Variants in PPP3CA observed in about 807,000 individuals in gnomAD.
PPP3CA encodes the protein CAM-PRP catalytic subunit.
A neutral mutation model predicts 66.5 loss-of-function variants in PPP3CA; 14 were observed. That is an observed-to-expected ratio of 0.21 (90% CI 0.14 to 0.33). The LOEUF (loss-of-function observed/expected upper bound fraction) is 0.33. Among genes scored for constraint, PPP3CA ranks in the 10% least tolerant of loss-of-function variants. The pLI, the probability that PPP3CA is intolerant of heterozygous loss-of-function variation, is 1.00. For missense variants in PPP3CA, 317 were observed against 639.5 expected (o/e 0.50, Z 5.44); for synonymous variants, 232 against 226.2 (o/e 1.03, Z -0.23).
At chr4:101,028,314 T>A (rs542644818) in intron 13 of PPP3CA, among the ~76,000 whole-genome samples, 11 of 152,330 alleles carry the variant, frequency 7.2e-5, no homozygotes, top group African/African-American at 2.6e-4. Flanking sequence ...ACTATTTTGA[T>A]ATGCAGTTCT....
chr4:101,216,130 G>T (rs912887154), intron 1 of PPP3CA, among the ~76,000 whole-genome samples: 2 of 151,950 alleles, frequency 1.3e-5, no homozygotes, highest in African/African-American at 2.4e-5. Context: ...AATTTTTTTG[G>T]CTGACCTACA....
Position 101,025,946 on chromosome 4 carries a change from G to A in PPP3CA, c.1485C>T (p.Asn495=). 6.8e-6 allele frequency: 11 copies of A among 1,612,866 alleles called. No homozygotes were observed. The highest frequency in any genetic ancestry group is 9.3e-6 in the Non-Finnish European group (11 of 1,179,400). The part of the protein sequence containing the change: ...PRRDAMPSDA[N]LNSINKALTS... Reference sequence around the variant, plus strand: ...TGAGAGCCTTGTTGATGGAGTTAAGGTTGGCGTCAGAGGGCATGGCATCTC... The same window carrying A: ...TGAGAGCCTTGTTGATGGAGTTAAGATTGGCGTCAGAGGGCATGGCATCTC... Residue 495 remains asparagine, a synonymous_variant, in exon 14 of 14, where the codon AAC becomes AAT. Transcript: ENST00000394854.
At chr4:101,294,433 A>G (rs1312290077) in intron 1 of PPP3CA, among the ~76,000 whole-genome samples, 1 of 152,210 alleles carries the variant, frequency 6.6e-6, no homozygotes, top group African/African-American at 2.4e-5. Flanking sequence ...AAGTTTTACC[A>G]AATCTCTATT....
intron 3 of PPP3CA, among the ~76,000 whole-genome samples, chr4:101,106,445 GAAAGAAAGAGAAAAGAAAAGAAA>G (rs1730715488): frequency 8.2e-5 from 1 of 12,190 alleles, no homozygotes; most frequent in Non-Finnish European, 1.7e-4. Flanking sequence ...AAGAAAGAAA[GAAAGAAAGAGAAAAGAAAAGAAA>G]AGAAAAGAAA....
intron 5 of PPP3CA, among the ~76,000 whole-genome samples, chr4:101,094,887 ATC>A (rs1730124300): frequency 6.6e-6 from 1 of 152,172 alleles, no homozygotes; most frequent in Non-Finnish European, 1.5e-5. Context: ...AGCTTTGAAA[ATC>A]TATTAAGAAT....
At chr4:101,031,087 C>T (rs1726935411) in intron 12 of PPP3CA, among the ~76,000 whole-genome samples, 1 of 151,426 alleles carries the variant, frequency 6.6e-6, no homozygotes, top group South Asian at 2.1e-4. Context: ...ACTCAAAAGA[C>T]ACTGATTCGG....
At chr4:101,139,926 C>CT (rs972031545) in intron 2 of PPP3CA, among the ~76,000 whole-genome samples, 44 of 148,114 alleles carry the variant, frequency 3.0e-4, no homozygotes, top group African/African-American at 3.5e-4. Flanking sequence ...TCTTTAAAAT[C>CT]TTTTTTTTTT....
intron 8 of PPP3CA, among the ~76,000 whole-genome samples, chr4:101,073,553 C>T (rs758522711): frequency 3.9e-5 from 6 of 152,098 alleles, no homozygotes; most frequent in African/African-American, 7.2e-5. Flanking sequence ...GGGATGCACA[C>T]GGCCTATGTA....
At chr4:101,204,785 T>C (rs1240432870) in intron 1 of PPP3CA, among the ~76,000 whole-genome samples, 1 of 151,848 alleles carries the variant, frequency 6.6e-6, no homozygotes, top group African/African-American at 2.4e-5. Context: ...AATGTTTAGA[T>C]TAAACTTAGA....
intron 2 of PPP3CA, among the ~76,000 whole-genome samples, chr4:101,191,706 C>T (rs1724607465): frequency 6.6e-6 from 1 of 152,220 alleles, no homozygotes; most frequent in Non-Finnish European, 1.5e-5. Context: ...CTGCTTAACT[C>T]TCCTCAGAGT....
rs1015126280 is a variant in PPP3CA, at chr4:101,235,496, C to T, written c.59-39380G>A. Among the ~76,000 whole-genome samples, 14 of 151,402 alleles carry T rather than the reference C, an allele frequency of 9.2e-5. 1 individual carries two copies. Among genetic ancestry groups the T allele is most frequent in the South Asian group, 4.2e-4 (2 of 4,810 alleles). On this transcript the variant is annotated intron_variant, in intron 1 of 13. Transcript: ENST00000394854. ...ATGTGCATTTGTATCACTGTTAGCA[C>T]GGACATGAATGTAAAGCAATTTGCA...
At chr4:101,066,111 C>T (rs948322914) in intron 8 of PPP3CA, among the ~76,000 whole-genome samples, 2 of 152,130 alleles carry the variant, frequency 1.3e-5, no homozygotes, top group Admixed American at 1.3e-4. Flanking sequence ...CACAGTCACA[C>T]TTAGAAAGAG....
chr4:101,037,856 T>A (rs1727320665), intron 11 of PPP3CA, among the ~76,000 whole-genome samples: 1 of 152,186 alleles, frequency 6.6e-6, no homozygotes, highest in African/African-American at 2.4e-5. Flanking sequence ...CTCACCTTCA[T>A]GTCTTTTGCT....
intron 1 of PPP3CA, among the ~76,000 whole-genome samples, chr4:101,209,127 G>A (rs976916059): frequency 2.0e-5 from 3 of 152,022 alleles, no homozygotes; most frequent in African/African-American, 7.2e-5. Context: ...TTATTAGAAA[G>A]AAATAATTTA....
At chr4:101,311,100 T>C (rs1232466390) in intron 1 of PPP3CA, among the ~76,000 whole-genome samples, 3 of 152,234 alleles carry the variant, frequency 2.0e-5, no homozygotes, top group Admixed American at 1.3e-4. Flanking sequence ...GGGTTTCTTA[T>C]TAGCTTGCAA....
chr4:101,293,047 T>A (rs1476132553), intron 1 of PPP3CA, among the ~76,000 whole-genome samples: 3 of 152,208 alleles, frequency 2.0e-5, no homozygotes, highest in African/African-American at 7.2e-5. Flanking sequence ...GGTACCATTG[T>A]ACTCTTAGTG....
At chr4:101,045,927 T>C (rs1240124934) in intron 10 of PPP3CA, among the ~76,000 whole-genome samples, 2 of 152,228 alleles carry the variant, frequency 1.3e-5, no homozygotes, top group African/African-American at 4.8e-5. Context: ...TTCTTCAAAC[T>C]TTCCTGTATG....
At chr4:101,169,328 A>T (rs972962581) in intron 2 of PPP3CA, among the ~76,000 whole-genome samples, 1 of 152,192 alleles carries the variant, frequency 6.6e-6, no homozygotes, top group Non-Finnish European at 1.5e-5. Context: ...ATGCTCAGTC[A>T]GCAGCAAAGA....
chr4:101,103,227 TA>T (rs561065376), intron 3 of PPP3CA, among the ~76,000 whole-genome samples: 1 of 152,046 alleles, frequency 6.6e-6, no homozygotes, highest in African/African-American at 2.4e-5. Context: ...AGCAAGGAAG[TA>T]AAAAAGAAAA....
Sources: allele counts gnomAD v4.1 joint callset (sites outside exome capture counted in the v4.1 genomes callset), GRCh38; gene constraint gnomAD v4.1.1; transcripts MANE v1.5; gene names NCBI Gene and HGNC (gene_info 2026-07-23, HGNC 2026-07-21).